Variants in PREX2 observed in about 807,000 individuals in gnomAD.
PREX2 encodes the protein phosphatidylinositol-3,4,5-trisphosphate dependent Rac exchange factor 2.
In PREX2, 107 loss-of-function variants were observed where a neutral mutation model predicts 203.2. The observed-to-expected ratio is 0.53, with a 90% CI of 0.45 to 0.62. PREX2 has a LOEUF of 0.62. PREX2 is among the 20% of genes least tolerant of loss of function. The probability of loss-of-function intolerance (pLI) is 0.00; values close to 1 mark genes in which losing one functional copy is unlikely to be tolerated. For synonymous variants in PREX2, 672 were observed against 663.6 expected (o/e 1.01, Z -0.19); for missense variants, 1,777 against 1,955.9 (o/e 0.91, Z 1.72).
chr8:68,155,384 G>A (rs778161746), intron 34 of PREX2, among the ~76,000 whole-genome samples: 1 of 151,888 alleles, frequency 6.6e-6, no homozygotes, highest in Non-Finnish European at 1.5e-5. Context: ...GTATAAACTG[G>A]TTTTTTAAAT....
chr8:68,205,904 A>G (rs981171688), intron 37 of PREX2, among the ~76,000 whole-genome samples: 6 of 152,144 alleles, frequency 3.9e-5, no homozygotes, highest in Non-Finnish European at 7.3e-5. Flanking sequence ...CTTCAAACCT[A>G]GTTTCTTTTT....
Position 67,952,311 on chromosome 8 carries a change from C to T in PREX2, c.-84C>T, listed in dbSNP as rs1282392491. 3.0e-5 allele frequency: 36 copies of T among 1,216,514 alleles called. No homozygotes were observed. The South Asian group carries it at 8.8e-4, about 30-fold the overall frequency. 75.4% of individuals were successfully genotyped at this position (1,216,514 alleles called of 1,614,324 possible). A position where few individuals can be genotyped will look rare whatever the true frequency, so the allele number is the denominator to read the frequency against. ...GGCGGAGGCGGCAACTTTCCATTCT[C>T]GCCGCCGGGGGCCGGGCAGCAGCGG... On this transcript the variant is annotated 5_prime_UTR_variant, in exon 1 of 40. Coordinates refer to ENST00000288368, the MANE Select transcript of PREX2 (RefSeq NM_024870.4).
intron 4 of PREX2, 127 bp from the exon 5 acceptor site, chr8:68,027,095 T>G: frequency 1.4e-6 from 1 of 696,970 alleles, no homozygotes; most frequent in African/African-American, 1.8e-5. Context: ...CTGAATATGC[T>G]CTTCTTAGAG....
intron 5 of PREX2, among the ~76,000 whole-genome samples, chr8:68,030,031 T>C (rs1056787880): frequency 2.0e-5 from 3 of 151,894 alleles, no homozygotes; most frequent in African/African-American, 7.3e-5. Flanking sequence ...AAATTTTACT[T>C]TGTTTATGAC....
chr8:68,167,489 G>C (rs180864498), intron 35 of PREX2, among the ~76,000 whole-genome samples: 1 of 152,104 alleles, frequency 6.6e-6, no homozygotes, highest in Non-Finnish European at 1.5e-5. Flanking sequence ...ATGCCACCAT[G>C]CCCAGCTAAT....
intron 35 of PREX2, among the ~76,000 whole-genome samples, chr8:68,163,402 A>C (rs1243820769): frequency 2.0e-5 from 3 of 152,210 alleles, no homozygotes; most frequent in Non-Finnish European, 2.9e-5. Context: ...ATATTTTTAA[A>C]GAATGAATTT....
rs768172429 is a variant in PREX2 at position 68,192,423 on chromosome 8, C to A, written c.4502C>A (p.Thr1501Lys). 2 of 1,614,124 alleles carry A rather than the reference C, an allele frequency of 1.2e-6. No homozygotes were observed. Among genetic ancestry groups the A allele is most frequent in the Non-Finnish European group, 1.7e-6 (2 of 1,179,994 alleles). The change falls in exon 37 of 40, where the codon ACA (threonine) becomes AAA (lysine). Residue 1501 changes from threonine to lysine, a missense_variant. Thr to Lys is a moderately conservative substitution (Grantham distance 78, BLOSUM62 -1). Coordinates refer to ENST00000288368, the MANE Select transcript of PREX2 (RefSeq NM_024870.4). ...AAGCGCACAGCTGCCTGTGCAAACA[C>A]AGCTTGCAGTGCTTCTGGGGTTGGA... is the stretch of plus-strand genomic sequence containing the variant. ...RSKRTAACAN[T>K]ACSASGVGLL...
At chr8:68,010,464 A>G (rs976001682) in intron 1 of PREX2, among the ~76,000 whole-genome samples, 79 of 152,222 alleles carry the variant, frequency 5.2e-4, no homozygotes, top group African/African-American at 1.8e-3. Context: ...CCACAGTAGA[A>G]GTAATGGGAC....
intron 35 of PREX2, among the ~76,000 whole-genome samples, chr8:68,166,910 A>C (rs532752495): frequency 1.6e-4 from 24 of 152,214 alleles, no homozygotes; most frequent in African/African-American, 5.5e-4. Context: ...GTGATCATAC[A>C]GTGCAGCACT....
intron 23 of PREX2, chr8:68,105,168 A>G: frequency 7.3e-7 from 1 of 1,367,850 alleles, no homozygotes; most frequent in Non-Finnish European, 9.8e-7. Context: ...TTACAATTTC[A>G]CAGCACGGCA....
chr8:68,128,062 C>T (rs1810932067), intron 31 of PREX2, among the ~76,000 whole-genome samples: 1 of 152,058 alleles, frequency 6.6e-6, no homozygotes, highest in Non-Finnish European at 1.5e-5. Flanking sequence ...TGAAATATTT[C>T]AACAAGGTTT....
chr8:68,011,983 A>G (rs1747016071), intron 1 of PREX2, among the ~76,000 whole-genome samples: 2 of 152,118 alleles, frequency 1.3e-5, no homozygotes, highest in South Asian at 4.1e-4. Flanking sequence ...AATTTTAGTA[A>G]TTTTACGCAT....
At chr8:67,999,030 A>G (rs1042700435) in intron 1 of PREX2, among the ~76,000 whole-genome samples, 21 of 152,288 alleles carry the variant, frequency 1.4e-4, no homozygotes, top group African/African-American at 4.8e-4. Context: ...AGTGGGAGCA[A>G]TGGTCTCTTG....
Position 68,208,258 on chromosome 8 carries a change from C to T in PREX2, c.4605-9358C>T, listed in dbSNP as rs1454092193. Among the ~76,000 whole-genome samples the T allele has an allele frequency of 2.6e-5, 4 of 152,108 alleles. No homozygotes were observed. The East Asian group carries it at 7.7e-4, about 29-fold the overall frequency. The stretch of plus-strand genomic sequence containing the variant: ...GTAGTGAATACATTAACACACTGAA[C>T]TGTACACATGCATTAATCTCTTGTA... On this transcript the variant is annotated intron_variant, in intron 37 of 39. Transcript: ENST00000288368.
At chr8:68,052,828 TGTAA>T (rs931669000) in intron 8 of PREX2, among the ~76,000 whole-genome samples, 4 of 152,224 alleles carry the variant, frequency 2.6e-5, no homozygotes, top group African/African-American at 7.2e-5. Flanking sequence ...GCATAGAGCA[TGTAA>T]GTGTTAATTA....
intron 31 of PREX2, among the ~76,000 whole-genome samples, chr8:68,129,951 A>G (rs1397408932): frequency 1.3e-5 from 2 of 151,182 alleles, no homozygotes; most frequent in African/African-American, 4.9e-5. Flanking sequence ...AGCAGATGTG[A>G]TTTTTGCTGT....
chr8:68,106,305 T>A (rs1345756705), intron 23 of PREX2: 1 of 512,090 alleles, frequency 2.0e-6, no homozygotes, highest in Non-Finnish European at 3.9e-6. Context: ...GTTTTTTGCA[T>A]CTAGCCTTAA....
intron 1 of PREX2, among the ~76,000 whole-genome samples, chr8:67,996,273 G>T (rs1806762185): frequency 6.6e-6 from 1 of 152,022 alleles, no homozygotes; most frequent in Non-Finnish European, 1.5e-5. Context: ...ACAGCTCACT[G>T]CAGCCTCAAC....
At chr8:68,170,088 A>G (rs1198954966) in intron 35 of PREX2, among the ~76,000 whole-genome samples, 1 of 152,186 alleles carries the variant, frequency 6.6e-6, no homozygotes, top group African/African-American at 2.4e-5. Context: ...CTTGGGTAAG[A>G]TCTTCCCAGA....
Sources: gnomAD v4.1 joint callset for allele counts (sites outside exome capture counted in the v4.1 genomes callset) on GRCh38, gnomAD v4.1.1 for gene constraint, MANE v1.5 for transcripts, NCBI Gene and HGNC (gene_info 2026-07-23, HGNC 2026-07-21) for gene names.